MDGA2: variants seen among roughly 807,000 people sequenced by gnomAD.
MDGA2 encodes the protein MAM domain containing glycosylphosphatidylinositol anchor 2.
Under a neutral mutation model 117.8 loss-of-function variants are expected in MDGA2, and 40 were observed. That is an observed-to-expected ratio of 0.34 (90% CI 0.26 to 0.44). The LOEUF (loss-of-function observed/expected upper bound fraction) is 0.44, where lower values mean the gene tolerates loss of function less well. Ranked by LOEUF, MDGA2 falls within the 20% of genes least tolerant of loss-of-function variation. The pLI is 1.00. For missense variants in MDGA2, 1,123 were observed against 1,250.6 expected, an observed-to-expected ratio of 0.90 and a Z score of 1.54; for synonymous variants, 452 against 439.0, an observed-to-expected ratio of 1.03 and a Z score of -0.37.
chr14:47,664,529 G>A (rs921331590), intron 1 of MDGA2, among the ~76,000 whole-genome samples: 3 of 152,116 alleles, frequency 2.0e-5, no homozygotes, highest in Admixed American at 2.0e-4. Flanking sequence ...GAGTTTACTC[G>A]ATGTGGAAAC....
chr14:47,511,235 A>C (rs1162880777), intron 1 of MDGA2, among the ~76,000 whole-genome samples: 1 of 152,214 alleles, frequency 6.6e-6, no homozygotes, highest in Non-Finnish European at 1.5e-5. Flanking sequence ...ATTTTGGCCC[A>C]AAAGAAACCT....
intron 14 of MDGA2, among the ~76,000 whole-genome samples, chr14:46,858,810 T>C (rs939476399): frequency 1.4e-4 from 22 of 152,186 alleles, no homozygotes; most frequent in African/African-American, 4.6e-4. Flanking sequence ...GATGTTAACT[T>C]TTTATGGCTA....
intron 5 of MDGA2, among the ~76,000 whole-genome samples, chr14:47,127,987 C>A (rs1169211444): frequency 9.9e-5 from 15 of 152,130 alleles, no homozygotes; most frequent in Admixed American, 2.0e-4. Flanking sequence ...CTAAGAAGAG[C>A]TGTCAGTCTC....
intron 1 of MDGA2, among the ~76,000 whole-genome samples, chr14:47,387,353 A>G (rs1420939554): frequency 1.4e-5 from 2 of 140,000 alleles, no homozygotes; most frequent in African/African-American, 5.2e-5. Context: ...TTTTAGAGGG[A>G]AAGGATGGAA....
intron 1 of MDGA2, among the ~76,000 whole-genome samples, chr14:47,543,919 G>C (rs1362281421): frequency 6.6e-6 from 1 of 152,124 alleles, no homozygotes; most frequent in African/African-American, 2.4e-5. Flanking sequence ...ACATAGAAAG[G>C]CTTTGAGAAC....
intron 1 of MDGA2, among the ~76,000 whole-genome samples, chr14:47,627,284 C>T (rs1451197293): frequency 6.6e-6 from 1 of 152,094 alleles, no homozygotes. Context: ...TTATGTCTAG[C>T]TAAGGGATTG....
chr14:47,605,656 A>T (rs1896729579), intron 1 of MDGA2, among the ~76,000 whole-genome samples: 1 of 152,162 alleles, frequency 6.6e-6, no homozygotes, highest in Non-Finnish European at 1.5e-5. Context: ...GAAAAAAAAA[A>T]GATTAATCAG....
chr14:47,617,012 C>G (rs1896958267), intron 1 of MDGA2, among the ~76,000 whole-genome samples: 2 of 152,184 alleles, frequency 1.3e-5, no homozygotes, highest in Admixed American at 6.5e-5. Context: ...CTCCATCACT[C>G]ACGTATGTTC....
intron 1 of MDGA2, among the ~76,000 whole-genome samples, chr14:47,430,244 A>T (rs1892772381): frequency 6.6e-6 from 1 of 151,970 alleles, no homozygotes; most frequent in African/African-American, 2.4e-5. Flanking sequence ...GTTGCAGGAG[A>T]TAATGGAAGT....
intron 14 of MDGA2, 48 bp downstream of exon 14, chr14:46,873,385 C>T (rs1201860931): frequency 6.7e-7 from 1 of 1,500,748 alleles, no homozygotes; most frequent in South Asian, 1.4e-5. Context: ...CCTTTTTCTT[C>T]TTAGTTATCA....
At chr14:46,936,482 A>T (rs1013413849) in intron 9 of MDGA2, among the ~76,000 whole-genome samples, 1 of 152,202 alleles carries the variant, frequency 6.6e-6, no homozygotes, top group African/African-American at 2.4e-5. Flanking sequence ...GTGAAAAAAT[A>T]CCAACATACA....
At chr14:47,119,873 C>A (rs146233503) in intron 5 of MDGA2, among the ~76,000 whole-genome samples, 4 of 152,228 alleles carry the variant, frequency 2.6e-5, no homozygotes, top group African/African-American at 9.6e-5. Context: ...AATATTTTCT[C>A]TCTTCACTTT....
intron 1 of MDGA2, among the ~76,000 whole-genome samples, chr14:47,546,452 T>C (rs1437974181): frequency 6.6e-6 from 1 of 152,162 alleles, no homozygotes; most frequent in Non-Finnish European, 1.5e-5. Flanking sequence ...TATGTTTACC[T>C]ACAGAATCTA....
intron 2 of MDGA2, among the ~76,000 whole-genome samples, chr14:47,278,540 G>A (rs1231922468): frequency 6.6e-6 from 1 of 152,022 alleles, no homozygotes; most frequent in African/African-American, 2.4e-5. Context: ...ACCTCAAACC[G>A]GGTCCAAAAT....
intron 3 of MDGA2, among the ~76,000 whole-genome samples, chr14:47,210,890 G>C (rs1225714162): frequency 6.7e-6 from 1 of 148,954 alleles, no homozygotes; most frequent in Non-Finnish European, 1.5e-5. Flanking sequence ...AGCCTGAGGG[G>C]GAGGATCCCT....
chr14:47,644,963 G>T (rs1249109409), intron 1 of MDGA2, among the ~76,000 whole-genome samples: 2 of 152,082 alleles, frequency 1.3e-5, no homozygotes, highest in Non-Finnish European at 2.9e-5. Context: ...AAAGAAGGAA[G>T]GGGCCATGAG....
chr14:47,562,253 AG>A (rs1895831057), intron 1 of MDGA2, among the ~76,000 whole-genome samples: 1 of 152,176 alleles, frequency 6.6e-6, no homozygotes, highest in South Asian at 2.1e-4. Context: ...AGAGTGAGTT[AG>A]GGAGGATTCC....
chr14:47,356,690 G>A (rs1001494171), intron 1 of MDGA2, among the ~76,000 whole-genome samples: 1 of 152,168 alleles, frequency 6.6e-6, no homozygotes, highest in Non-Finnish European at 1.5e-5. Context: ...CACCATGAAA[G>A]TAGACCTCAT....
chr14:47,024,274 CT>C (rs1338474285), intron 8 of MDGA2, among the ~76,000 whole-genome samples: 1 of 152,114 alleles, frequency 6.6e-6, no homozygotes, highest in East Asian at 1.9e-4. Context: ...TTACTTACAT[CT>C]TTTAACTGAG....
Sources: allele counts gnomAD v4.1 joint callset (sites outside exome capture counted in the v4.1 genomes callset), GRCh38; gene constraint gnomAD v4.1.1; transcripts MANE v1.5; gene names NCBI Gene and HGNC (gene_info 2026-07-23, HGNC 2026-07-21).